Variants in CATSPER4 observed in about 807,000 individuals in gnomAD.
CATSPER4 encodes the protein cation channel sperm associated 4.
CATSPER4 carries 46 observed loss-of-function variants against 54.4 expected under a neutral mutation model. The ratio of observed to expected loss-of-function variants is 0.84; its 90% CI spans 0.67 to 1.08. The LOEUF (loss-of-function observed/expected upper bound fraction) is 1.08. Among genes scored for constraint, CATSPER4 ranks in the 50% least tolerant of loss-of-function variants. The pLI is 0.00. For synonymous variants in CATSPER4, 230 were observed against 231.9 expected (o/e 0.99, Z 0.08); for missense variants, 574 against 612.8 (o/e 0.94, Z 0.67).
chr1:26,191,576 T>C, intron 2 of CATSPER4, 146 bp downstream of exon 2: 2 of 962,818 alleles, frequency 2.1e-6, no homozygotes, highest in Non-Finnish European at 3.2e-6. Context: ...TCTAGGAATC[T>C]GGAGATCAAG....
Position 26,197,767 on chromosome 1 carries a change from A to G in CATSPER4, c.541A>G (p.Ile181Val). ...CATTAATGAAATCAATATTCCCTCC[A>G]TCAACTACACTCTCAGGTGAGCGGG... ...FFINEINIPSINYTLRALRLV... is the reference protein window; with the variant it reads ...FFINEINIPSVNYTLRALRLV... The change falls in exon 4 of 10, where the codon ATC becomes GTC. Residue 181 changes from isoleucine (I) to valine (V), a missense_variant. Transcript: ENST00000456354. The G allele has an allele frequency of 6.2e-7, 1 of 1,613,054 alleles. No homozygotes were observed. Among genetic ancestry groups the G allele is most frequent in the Non-Finnish European group, 8.5e-7 (1 of 1,179,078 alleles).
At position 26,201,404 on chromosome 1, in the gene CATSPER4, A is replaced by G; in HGVS notation, c.1250A>G (p.Glu417Gly). Residue 417 changes from glutamate (E) to glycine (G), a missense_variant, in exon 9 of 10, where the codon GAG (glutamate) becomes GGG (glycine). By Grantham distance (98) the Glu-to-Gly change is moderately conservative. Transcript: ENST00000456354. ...AIRFNQEQES[E>G]VLNRRSSTSG... is the part of the protein sequence containing the mutation. ...CGCTTCAACCAGGAGCAGGAGTCAG[A>G]GGTGTTGAACAGGCGCTCGTCGACG... The G allele has an allele frequency of 1.9e-6, 3 of 1,614,164 alleles. No homozygotes were observed. The highest frequency in any genetic ancestry group is 2.5e-6 in the Non-Finnish European group (3 of 1,180,024).
Position 26,201,038 on chromosome 1 carries a change from A to G in CATSPER4, c.1196A>G (p.Asn399Ser), listed in dbSNP as rs1300923542. 2 of 1,612,226 alleles carry G rather than the reference A, an allele frequency of 1.2e-6. No homozygotes were observed. Among genetic ancestry groups the G allele is most frequent in the Non-Finnish European group, 1.7e-6 (2 of 1,178,228 alleles). ...RQYKEIRDELNMIVEEVRAIR... is the reference protein window; with the variant it reads ...RQYKEIRDELSMIVEEVRAIR... Reference sequence around the variant, plus strand: ...TACAAGGAGATCCGAGATGAACTCAACATGTAGGGGAGGGTACTGGGGCTG... The same window carrying G: ...TACAAGGAGATCCGAGATGAACTCAGCATGTAGGGGAGGGTACTGGGGCTG... The change falls in exon 8 of 10, where the codon AAC (asparagine) becomes AGC (serine). Residue 399 changes from asparagine (N) to serine (S), a missense_variant. Physicochemically the swap from Asn to Ser is conservative, Grantham distance 46. Transcript: ENST00000456354.
chr1:26,198,028 C>G lies in CATSPER4; in HGVS notation c.629C>G (p.Ser210Trp). 2 of 1,613,948 alleles carry G rather than the reference C, an allele frequency of 1.2e-6. No individual in the cohort carries two copies. The highest frequency in any genetic ancestry group is 1.7e-6 in the Non-Finnish European group (2 of 1,179,864). ...LARIIRVILQ[S>W]VPDMANIMVL... ...CGGATCATCCGCGTCATCCTGCAGT[C>G]GGTGCCTGACATGGCCAATATCATG... is the stretch of plus-strand genomic sequence containing the variant. The change falls in exon 5 of 10, where the codon TCG becomes TGG. Residue 210 changes from serine (S) to tryptophan (W), a missense_variant. By Grantham distance (177) the Ser-to-Trp change is radical. Coordinates refer to ENST00000456354, the MANE Select transcript of CATSPER4 (RefSeq NM_198137.2).
At chr1:26,192,337 C>T (rs2088880038) in intron 2 of CATSPER4, among the ~76,000 whole-genome samples, 1 of 151,952 alleles carries the variant, frequency 6.6e-6, no homozygotes, top group Non-Finnish European at 1.5e-5. Flanking sequence ...TGCCTGTAAT[C>T]CCAACACTTT....
At chr1:26,191,144 A>T in intron 1 of CATSPER4, 143 bp from the exon 2 acceptor site, 1 of 942,222 alleles carries the variant, frequency 1.1e-6, no homozygotes, top group Non-Finnish European at 1.6e-6. Flanking sequence ...CTCTACACTG[A>T]TGTCTCCATT....
intron 7 of CATSPER4, among the ~76,000 whole-genome samples, chr1:26,200,463 G>T (rs1197701571): frequency 1.3e-5 from 2 of 152,098 alleles, no homozygotes; most frequent in African/African-American, 4.8e-5. Flanking sequence ...TATTCATTCA[G>T]GGCAGTACTT....
intron 3 of CATSPER4, among the ~76,000 whole-genome samples, chr1:26,194,435 C>G (rs796482071): frequency 3.9e-5 from 6 of 152,234 alleles, no homozygotes; most frequent in African/African-American, 1.4e-4. Flanking sequence ...CAAACTCATT[C>G]AGATGTCTTC....
intron 8 of CATSPER4, 119 bp downstream of exon 8, chr1:26,201,160 TC>T: frequency 2.0e-6 from 2 of 991,578 alleles, no homozygotes; most frequent in Non-Finnish European, 3.2e-6. Context: ...CCCACAGAGG[TC>T]CCCCACCCTA....
At position 26,201,029 on chromosome 1, in the gene CATSPER4, A is replaced by T; in HGVS notation, c.1187A>T (p.Asp396Val). The change falls in exon 8 of 10, where the codon GAT becomes GTT. Residue 396 changes from aspartate to valine, a missense_variant. Transcript: ENST00000456354. ...CTGAGGCAGTACAAGGAGATCCGAGATGAACTCAACATGTAGGGGAGGGTA... is the reference window on the plus strand; with the variant it reads ...CTGAGGCAGTACAAGGAGATCCGAGTTGAACTCAACATGTAGGGGAGGGTA... Reference protein sequence around the residue: ...ENLRQYKEIRDELNMIVEEVR... With the variant: ...ENLRQYKEIRVELNMIVEEVR... The T allele has an allele frequency of 6.2e-7, 1 of 1,613,692 alleles. No homozygotes were observed. The highest frequency in any genetic ancestry group is 1.3e-5 in the African/African-American group (1 of 75,034).
intron 3 of CATSPER4, 132 bp from the exon 4 acceptor site, chr1:26,197,554 T>C (rs1417062584): frequency 1.7e-5 from 12 of 700,274 alleles, no homozygotes; most frequent in Non-Finnish European, 2.8e-5. Flanking sequence ...GTAACAGCAG[T>C]GGATGGCAGC....
At chr1:26,191,095 C>T (rs2088861994) in intron 1 of CATSPER4, among the ~76,000 whole-genome samples, 192 bp from the exon 2 acceptor site, 1 of 152,090 alleles carries the variant, frequency 6.6e-6, no homozygotes, top group Non-Finnish European at 1.5e-5. Flanking sequence ...CAAAATCCCC[C>T]GATAGTAACC....
rs202180368 is a variant in CATSPER4, at chr1:26,198,430, G to C, written c.812+11G>C. 1.9e-4 allele frequency: 311 copies of C among 1,613,920 alleles called. 1 individual carries two copies. The highest frequency in any genetic ancestry group is 2.5e-4 in the Non-Finnish European group (293 of 1,180,042). ...CTACAGTGACTTCCAGTGAGTGCCA[G>C]TGGGACTTCCAGCCTCATCCCACCT... On this transcript the variant is annotated intron_variant, in intron 6 of 9. Transcript: ENST00000456354.
intron 9 of CATSPER4, 82 bp from the exon 10 acceptor site, chr1:26,202,407 G>A: frequency 8.0e-7 from 1 of 1,253,976 alleles, no homozygotes; most frequent in East Asian, 2.4e-5. Context: ...TGGGGAAGCT[G>A]GTGAGACTGG....
In CATSPER4 at chr1:26,200,905, G is replaced by T. The variant is rs776474825; in HGVS notation, c.1063G>T (p.Gly355Cys). Reference protein sequence around the residue: ...HCVVARSEKSGLLQEPLAGGP... With the variant: ...HCVVARSEKSCLLQEPLAGGP... ...TGTGGTCGCCCGCTCGGAGAAATCT[G>T]GTCTCCTCCAGGAACCCCTTGCGGG... Residue 355 changes from glycine to cysteine, a missense_variant, in exon 8 of 10, where the codon GGT (glycine) becomes TGT (cysteine). Coordinates refer to ENST00000456354, the MANE Select transcript of CATSPER4 (RefSeq NM_198137.2). 1.2e-6 allele frequency: 2 copies of T among 1,614,064 alleles called. No homozygotes were observed. The highest frequency in any genetic ancestry group is 2.2e-5 in the East Asian group (1 of 44,858).
At chr1:26,202,069 C>G (rs889413534) in intron 9 of CATSPER4, among the ~76,000 whole-genome samples, 6 of 152,168 alleles carry the variant, frequency 3.9e-5, no homozygotes, top group African/African-American at 1.4e-4. Context: ...CGGAAAGGCT[C>G]CACCCTTCCT....
intron 6 of CATSPER4, 73 bp downstream of exon 6, chr1:26,198,492 G>C: frequency 6.3e-7 from 1 of 1,590,546 alleles, no homozygotes. Context: ...CAGGCTGAGA[G>C]TGGGAGCTCC....
At position 26,190,820 on chromosome 1, in the gene CATSPER4, CA is replaced by C. The variant is rs1557628224; in HGVS notation, c.194del (p.Gln65ArgfsTer39). On this transcript the variant is annotated frameshift_variant, in exon 1 of 10. Transcript: ENST00000456354. LOFTEE classifies it high-confidence loss of function. The stretch of plus-strand genomic sequence containing the variant: ...AGAGGAGCAAGTGCTCATCAACCGC[CA>C]GGAAATCACGAACAAAGCGGTAAGG... ...RPEEQVLINRQEITNKADAWD... is the reference protein window; with the variant it reads ...RPEEQVLINRXEITNKADAWD... 6.2e-7 allele frequency: 1 copy of C among 1,611,410 alleles called. No individual in the cohort carries two copies. The highest frequency in any genetic ancestry group is 8.5e-7 in the Non-Finnish European group (1 of 1,178,960).
rs1156907541 is a variant in CATSPER4 at position 26,191,225 on chromosome 1, A to C, written c.214-62A>C. 2.5e-6 allele frequency: 4 copies of C among 1,600,616 alleles called. No individual in the cohort carries two copies. In the East Asian group the frequency reaches 9.0e-5, roughly 36 times the overall value. ...AGGAACCCCCATTCTCTAAGAGCAA[A>C]CCCCCAGGCAGAGGCTTCCTATGGT... On this transcript the variant is annotated intron_variant, in intron 1 of 9. Coordinates refer to ENST00000456354, the MANE Select transcript of CATSPER4 (RefSeq NM_198137.2).
Sources: gnomAD v4.1 joint callset for allele counts (sites outside exome capture counted in the v4.1 genomes callset) on GRCh38, gnomAD v4.1.1 for gene constraint, MANE v1.5 for transcripts, NCBI Gene and HGNC (gene_info 2026-07-23, HGNC 2026-07-21) for gene names.